The following SAE1 variants were observed in gnomAD, a reference collection of about 807,000 sequenced individuals.
The protein encoded by SAE1 is SUMO-activating enzyme subunit 1.
In SAE1, 11 loss-of-function variants were observed where a neutral mutation model predicts 40.6. That is an observed-to-expected ratio of 0.27 (90% CI 0.17 to 0.45). The LOEUF (loss-of-function observed/expected upper bound fraction) is 0.45, where lower values mean the gene tolerates loss of function less well. Ranked by LOEUF, SAE1 falls within the 20% of genes least tolerant of loss-of-function variation. The pLI is 1.00. For synonymous variants in SAE1, 155 were observed against 154.3 expected (o/e 1.00, Z -0.03); for missense variants, 373 against 427.3 (o/e 0.87, Z 1.12).
chr19:47,143,507 C>A lies in SAE1; in HGVS notation c.112C>A (p.Arg38=), dbSNP rs778336657. The A allele has an allele frequency of 7.4e-6, 12 of 1,613,846 alleles. No homozygotes were observed. The East Asian group carries it at 8.9e-5, about 12-fold the overall frequency. The part of the protein sequence containing the change: ...LEAQKRLRAS[R]VLLVGLKGLG... ...TTTGTCTTACAGGCTGCGGGCCTCT[C>A]GGGTGCTTCTTGTCGGCTTGAAAGG... is the stretch of plus-strand genomic sequence containing the variant. Residue 38 remains arginine, a synonymous_variant, in exon 2 of 9, where the codon CGG becomes AGG. Coordinates refer to ENST00000270225, the MANE Select transcript of SAE1 (RefSeq NM_005500.3).
At chr19:47,184,797 G>GT (rs745379971) in intron 6 of SAE1, among the ~76,000 whole-genome samples, 1 of 142,592 alleles carries the variant, frequency 7.0e-6, no homozygotes, top group African/African-American at 2.8e-5. Context: ...TTTTTGTTTT[G>GT]TTTTTGTTTT....
chr19:47,139,590 T>G (rs2058205132), intron 1 of SAE1, among the ~76,000 whole-genome samples: 1 of 147,774 alleles, frequency 6.8e-6, no homozygotes, highest in South Asian at 2.2e-4. Context: ...GTGTATCTTT[T>G]TTTTTTTTTT....
In SAE1 at chr19:47,179,983, G is replaced by A. The variant is rs1386951869; in HGVS notation, c.733+10060G>A. ...ATCAAGTTTTCTTATTGTCAGAAAAGGGTGTTCCTATGAATGTGGACAGTG... is the reference window on the plus strand; with the variant it reads ...ATCAAGTTTTCTTATTGTCAGAAAAAGGTGTTCCTATGAATGTGGACAGTG... On this transcript the variant is annotated intron_variant, in intron 6 of 8. Transcript: ENST00000270225. 3.3e-5 allele frequency among the ~76,000 whole-genome samples: 5 copies of A among 152,284 alleles called. No homozygotes were observed. The East Asian group carries it at 9.6e-4, about 29-fold the overall frequency.
At chr19:47,172,835 T>C (rs984826225) in intron 6 of SAE1, among the ~76,000 whole-genome samples, 2 of 151,596 alleles carry the variant, frequency 1.3e-5, no homozygotes, top group African/African-American at 4.8e-5. Context: ...TAGGACTTGC[T>C]CTGTGCCGGG....
intron 1 of SAE1, chr19:47,135,505 A>G (rs917481634): frequency 2.0e-5 from 3 of 152,106 alleles, no homozygotes; most frequent in Non-Finnish European, 4.4e-5. Flanking sequence ...AAATGACAGG[A>G]TCTCATTCCC....
intron 7 of SAE1, among the ~76,000 whole-genome samples, chr19:47,201,751 A>G (rs2058656958): frequency 6.6e-6 from 1 of 151,718 alleles, no homozygotes; most frequent in Non-Finnish European, 1.5e-5. Flanking sequence ...CTTCCACCTC[A>G]GCCTCCCGAG....
At chr19:47,172,750 T>G (rs160263) in intron 6 of SAE1, among the ~76,000 whole-genome samples, 1 of 149,376 alleles carries the variant, frequency 6.7e-6, no homozygotes, top group Non-Finnish European at 1.5e-5. Flanking sequence ...TACTCCAGAG[T>G]TGAAAAGTGT....
At chr19:47,171,884 T>A (rs1340384023) in intron 6 of SAE1, among the ~76,000 whole-genome samples, 2 of 151,792 alleles carry the variant, frequency 1.3e-5, no homozygotes, top group Non-Finnish European at 2.9e-5. Context: ...ATTACAGGCA[T>A]GGTAGTTTTT....
intron 1 of SAE1, among the ~76,000 whole-genome samples, chr19:47,133,853 G>GT (rs956063538): frequency 6.7e-5 from 10 of 148,938 alleles, no homozygotes; most frequent in Non-Finnish European, 8.9e-5. Flanking sequence ...TTTCAGATTT[G>GT]TTTTTTTTGT....
In SAE1 at chr19:47,130,934, G is replaced by C; in HGVS notation, c.4G>C (p.Val2Leu). 6.5e-7 allele frequency: 1 copy of C among 1,549,988 alleles called. No homozygotes were observed. Among genetic ancestry groups the C allele is most frequent in the Middle Eastern group, 1.9e-4 (1 of 5,174 alleles). ...TGAGGCAGGAAGAGCCGGCGCCATG[G>C]TGGAGAAGGAGGAGGCTGGCGGCGG... The part of the protein sequence containing the change: M[V>L]EKEEAGGGIS... The change falls in exon 1 of 9, where the codon GTG becomes CTG. Residue 2 changes from valine (V) to leucine (L), a missense_variant. This residue lies in a region of SAE1 where 18 missense variants were observed against 18.0 expected (regional missense o/e 1.00). Coordinates refer to ENST00000270225, the MANE Select transcript of SAE1 (RefSeq NM_005500.3).
chr19:47,206,251 A>T (rs1025319712), intron 8 of SAE1, among the ~76,000 whole-genome samples: 1 of 152,094 alleles, frequency 6.6e-6, no homozygotes, highest in East Asian at 1.9e-4. Context: ...CTCCTACCCC[A>T]TCTTGCTTGG....
At chr19:47,152,681 C>A (rs1303245357) in intron 3 of SAE1, among the ~76,000 whole-genome samples, 1 of 152,122 alleles carries the variant, frequency 6.6e-6, no homozygotes, top group African/African-American at 2.4e-5. Context: ...ATTTTGGCTG[C>A]AGAACGTGAC....
intron 3 of SAE1, 48 bp downstream of exon 3, chr19:47,150,423 G>A: frequency 6.9e-7 from 1 of 1,449,230 alleles, no homozygotes; most frequent in Non-Finnish European, 9.5e-7. Context: ...ACAAATTAAG[G>A]TGCTAGTTGT....
chr19:47,168,401 T>C (rs2058409008), intron 5 of SAE1, among the ~76,000 whole-genome samples: 1 of 151,968 alleles, frequency 6.6e-6, no homozygotes. Flanking sequence ...CCTCCTGTGC[T>C]AAAACAGTTC....
At chr19:47,196,249 C>G (rs1228306700) in intron 6 of SAE1, among the ~76,000 whole-genome samples, 1 of 144,052 alleles carries the variant, frequency 6.9e-6, no homozygotes, top group Non-Finnish European at 1.5e-5. Flanking sequence ...GTTGGTCAGG[C>G]TGGTCTCAAA....
At chr19:47,138,933 T>C (rs1215755265) in intron 1 of SAE1, among the ~76,000 whole-genome samples, 1 of 152,192 alleles carries the variant, frequency 6.6e-6, no homozygotes, top group Non-Finnish European at 1.5e-5. Context: ...TGGACTTCTC[T>C]AAGGAGGTGA....
chr19:47,153,338 G>T (rs2058299077), intron 4 of SAE1, among the ~76,000 whole-genome samples: 1 of 152,128 alleles, frequency 6.6e-6, no homozygotes, highest in Non-Finnish European at 1.5e-5. Flanking sequence ...CTTGGAAAAG[G>T]TGTCCAATAT....
chr19:47,131,312 C>T (rs149876961), intron 1 of SAE1, among the ~76,000 whole-genome samples: 305 of 151,958 alleles, frequency 2.0e-3, no homozygotes, highest in African/African-American at 7.0e-3. Context: ...AATCCGAGGC[C>T]CGAAAGCGGT....
At chr19:47,133,725 A>G (rs2058161348) in intron 1 of SAE1, among the ~76,000 whole-genome samples, 4 of 152,200 alleles carry the variant, frequency 2.6e-5, no homozygotes, top group South Asian at 2.1e-4. Context: ...GCAGAAGTCC[A>G]GGATGACACC....
Sources: gnomAD v4.1 joint callset for allele counts (sites outside exome capture counted in the v4.1 genomes callset) on GRCh38, gnomAD v4.1.1 for gene constraint, gnomAD v4.1.1 regional missense constraint, MANE v1.5 for transcripts, NCBI Gene and HGNC (gene_info 2026-07-23, HGNC 2026-07-21) for gene names.